MATN2: variants seen among roughly 807,000 people sequenced by gnomAD.
The protein encoded by MATN2 is matrilin 2, also known as matrilin-2.
A neutral mutation model predicts 103.2 loss-of-function variants in MATN2; 69 were observed. That is an observed-to-expected ratio of 0.67 (90% CI 0.55 to 0.82). The LOEUF is 0.82. Among genes scored for constraint, MATN2 ranks in the 40% least tolerant of loss-of-function variants. The probability of loss-of-function intolerance (pLI) is 0.00; values close to 1 mark genes in which losing one functional copy is unlikely to be tolerated. For synonymous variants in MATN2, 429 were observed against 450.2 expected (o/e 0.95, Z 0.60); for missense variants, 1,023 against 1,211.5 (o/e 0.84, Z 2.31).
intron 3 of MATN2, among the ~76,000 whole-genome samples, chr8:97,937,077 C>T (rs1209994336): frequency 6.6e-6 from 1 of 152,156 alleles, no homozygotes; most frequent in African/African-American, 2.4e-5. Flanking sequence ...ATGGCCCCAC[C>T]AGCCCCTGAG....
intron 12 of MATN2, among the ~76,000 whole-genome samples, chr8:98,019,894 A>G (rs1332745369): frequency 6.6e-6 from 1 of 152,244 alleles, no homozygotes; most frequent in Non-Finnish European, 1.5e-5. Flanking sequence ...GATATTCCAC[A>G]AGCCAACAAG....
chr8:98,011,656 A>C (rs1402455492), intron 10 of MATN2, among the ~76,000 whole-genome samples: 1 of 152,222 alleles, frequency 6.6e-6, no homozygotes, highest in Non-Finnish European at 1.5e-5. Flanking sequence ...AAAGCCAGGA[A>C]GCAGTGTAAT....
chr8:97,904,617 C>T (rs1228405016), intron 2 of MATN2, among the ~76,000 whole-genome samples: 1 of 152,142 alleles, frequency 6.6e-6, no homozygotes, highest in Non-Finnish European at 1.5e-5. Context: ...TTTCAACACA[C>T]GTATTGCTTG....
At chr8:97,961,263 T>G in intron 4 of MATN2, 145 bp from the exon 5 acceptor site, 1 of 749,420 alleles carries the variant, frequency 1.3e-6, no homozygotes, top group Non-Finnish European at 2.0e-6. Flanking sequence ...TTCCAAATTT[T>G]CTACTATGAT....
intron 2 of MATN2, among the ~76,000 whole-genome samples, chr8:97,897,152 A>AG (rs1470803411): frequency 3.9e-5 from 6 of 152,230 alleles, no homozygotes; most frequent in Non-Finnish European, 8.8e-5. Context: ...CTGTGCTCAA[A>AG]GTGTCTGATT....
intron 4 of MATN2, among the ~76,000 whole-genome samples, chr8:97,950,007 G>C (rs890317440): frequency 1.3e-5 from 2 of 152,214 alleles, no homozygotes; most frequent in Admixed American, 6.5e-5. Flanking sequence ...GGGCCAAGGA[G>C]TGGGGAGCAG....
chr8:97,882,663 T>C (rs1462409998), intron 1 of MATN2, among the ~76,000 whole-genome samples: 1 of 152,214 alleles, frequency 6.6e-6, no homozygotes, highest in Non-Finnish European at 1.5e-5. Flanking sequence ...ACCAAAGTTC[T>C]GGGATTCCGA....
chr8:97,904,491 T>A (rs1465677519), intron 2 of MATN2, among the ~76,000 whole-genome samples: 1 of 152,152 alleles, frequency 6.6e-6, no homozygotes, highest in Non-Finnish European at 1.5e-5. Flanking sequence ...TTAGGAAAAA[T>A]TCTAAAGAAA....
chr8:98,019,108 GAT>G (rs35631363), intron 12 of MATN2, among the ~76,000 whole-genome samples: 3 of 147,526 alleles, frequency 2.0e-5, no homozygotes, highest in Non-Finnish European at 3.0e-5. Flanking sequence ...TATCATAGAA[GAT>G]ATATATATAT....
rs1309091133 is a variant in MATN2, at chr8:97,888,149, G to A, written c.49G>A (p.Val17Ile). ...CTTTCTGCTGATCCTCGGACAGATC[G>A]TCCTCCTCCCTGCCGAGGCCAGGGA... is the stretch of plus-strand genomic sequence containing the variant. ...GCFLLILGQI[V>I]LLPAEARERS... Residue 17 changes from valine (V) to isoleucine (I), a missense_variant, in exon 2 of 19, where the codon GTC (valine) becomes ATC (isoleucine). By Grantham distance (29) the Val-to-Ile change is conservative. Transcript: ENST00000254898. 2.5e-6 allele frequency: 4 copies of A among 1,609,344 alleles called. No homozygotes were observed. The highest frequency in any genetic ancestry group is 2.7e-5 in the African/African-American group (2 of 74,790).
chr8:97,880,768 C>G (rs1279061457), intron 1 of MATN2, among the ~76,000 whole-genome samples: 1 of 152,146 alleles, frequency 6.6e-6, no homozygotes, highest in Non-Finnish European at 1.5e-5. Context: ...AATCCTGCTA[C>G]AATGGGATTT....
intron 1 of MATN2, among the ~76,000 whole-genome samples, chr8:97,875,844 C>T (rs1401061282): frequency 6.7e-6 from 1 of 150,000 alleles, no homozygotes; most frequent in Non-Finnish European, 1.5e-5. Flanking sequence ...TACAGGTGCC[C>T]GCCACCCTGA....
chr8:98,031,279 A>C (rs1814008715), intron 15 of MATN2, among the ~76,000 whole-genome samples: 2 of 152,126 alleles, frequency 1.3e-5, no homozygotes, highest in Admixed American at 1.3e-4. Flanking sequence ...TCACGGCTTC[A>C]GTGAGCCATG....
intron 5 of MATN2, among the ~76,000 whole-genome samples, chr8:97,965,400 A>G (rs1811447695): frequency 6.6e-6 from 1 of 152,168 alleles, no homozygotes; most frequent in South Asian, 2.1e-4. Context: ...AAGTGGGAAG[A>G]CCAGATAGGA....
Position 97,915,884 on chromosome 8 carries a change from C to G in MATN2, c.143-15069C>G, listed in dbSNP as rs1419222204. On this transcript the variant is annotated intron_variant, in intron 2 of 18. Transcript: ENST00000254898. ...TGTGTGTCTGTGTGTGTGTGTGTGT[C>G]TGTGTGTGTATTACAATTTTAACGT... Among the ~76,000 whole-genome samples the G allele has an allele frequency of 4.0e-5, 6 of 151,532 alleles. No homozygotes were observed. In the East Asian group the frequency reaches 1.2e-3, roughly 29 times the overall value.
chr8:97,993,513 C>CA (rs370154059), intron 6 of MATN2, among the ~76,000 whole-genome samples: 2 of 151,606 alleles, frequency 1.3e-5, no homozygotes, highest in Non-Finnish European at 2.9e-5. Context: ...AGAACAAAAA[C>CA]AAAAAAATAA....
At chr8:98,033,694 T>A in intron 18 of MATN2, 35 bp downstream of exon 18, 1 of 1,341,512 alleles carries the variant, frequency 7.5e-7, no homozygotes, top group Non-Finnish European at 1.1e-6. Flanking sequence ...CTGTATGGAA[T>A]GCAAAGAATA....
chr8:97,902,787 C>T (rs1204189718), intron 2 of MATN2, among the ~76,000 whole-genome samples: 4 of 152,170 alleles, frequency 2.6e-5, no homozygotes, highest in Non-Finnish European at 5.9e-5. Flanking sequence ...GTGCCAGGGC[C>T]AGGGCACTGC....
At chr8:97,874,848 G>T (rs1818016248) in intron 1 of MATN2, among the ~76,000 whole-genome samples, 2 of 152,012 alleles carry the variant, frequency 1.3e-5, no homozygotes, top group African/African-American at 2.4e-5. Context: ...CTCCTGAGCA[G>T]CTGGGATTAC....
Sources: allele counts gnomAD v4.1 joint callset (sites outside exome capture counted in the v4.1 genomes callset), GRCh38; gene constraint gnomAD v4.1.1; transcripts MANE v1.5; gene names NCBI Gene and HGNC (gene_info 2026-07-23, HGNC 2026-07-21).